Variants in CSMD1 observed in about 807,000 individuals in gnomAD.
The protein encoded by CSMD1 is CUB and Sushi multiple domains 1.
Under a neutral mutation model 417.5 loss-of-function variants are expected in CSMD1, and 213 were observed. That is an observed-to-expected ratio of 0.51 (90% CI 0.46 to 0.57). The LOEUF (loss-of-function observed/expected upper bound fraction) is 0.57. Among genes scored for constraint, CSMD1 ranks in the 20% least tolerant of loss-of-function variants. CSMD1 has a pLI of 0.00. For missense variants in CSMD1, 6,923 were observed against 4,529.7 expected, an observed-to-expected ratio of 1.53 and a Z score of -15.17; for synonymous variants, 2,862 against 1,736.8, an observed-to-expected ratio of 1.65 and a Z score of -16.11.
rs56272726 is a variant in CSMD1 at position 3,709,680 on chromosome 8, G to GTTTTTTTTTTTTTTTTTTTTTTT, written c.932-1212_932-1190dup. ...GATGGGCTTTAAATTGCAGCAGCAT[G>GTTTTTTTTTTTTTTTTTTTTTTT]TTTTTTTTTTTTTTTTTTTTTTTTT... On this transcript the variant is annotated intron_variant, in intron 6 of 69. Transcript: ENST00000635120. 3.0e-3 allele frequency among the ~76,000 whole-genome samples: 102 copies of GTTTTTTTTTTTTTTTTTTTTTTT among 33,678 alleles called. 27 individuals carry two copies. The highest frequency in any genetic ancestry group is 4.9e-3 in the Non-Finnish European group (86 of 17,530). The allele number at this position is 33,678 out of a possible 152,430, so 22.1% of individuals were successfully genotyped here.
chr8:3,682,384 C>T (rs1209162668), intron 7 of CSMD1, among the ~76,000 whole-genome samples: 2 of 152,130 alleles, frequency 1.3e-5, no homozygotes, highest in South Asian at 4.1e-4. Context: ...GGGTGAAGGA[C>T]ATGAACAGAC....
At chr8:3,963,936 G>A (rs767739216) in intron 5 of CSMD1, among the ~76,000 whole-genome samples, 12 of 152,104 alleles carry the variant, frequency 7.9e-5, no homozygotes, top group Admixed American at 5.9e-4. Flanking sequence ...CCTTTCAGAA[G>A]AAAAAGAAGA....
chr8:4,406,364 T>C (rs1379224226), intron 3 of CSMD1, among the ~76,000 whole-genome samples: 1 of 151,978 alleles, frequency 6.6e-6, no homozygotes, highest in African/African-American at 2.4e-5. Flanking sequence ...GAAAGAGAGA[T>C]GACAATTAGA....
chr8:3,720,523 T>A (rs909315784), intron 6 of CSMD1, among the ~76,000 whole-genome samples: 8 of 152,066 alleles, frequency 5.3e-5, no homozygotes, highest in African/African-American at 1.9e-4. Context: ...CCATAGACCT[T>A]TTGTTGTCTC....
chr8:4,869,697 C>A (rs1056880398), intron 1 of CSMD1, among the ~76,000 whole-genome samples: 9 of 151,934 alleles, frequency 5.9e-5, no homozygotes, highest in Non-Finnish European at 1.2e-4. Context: ...GATTATTAAT[C>A]TTGAAAATAC....
chr8:4,822,203 G>C (rs1213909465), intron 1 of CSMD1, among the ~76,000 whole-genome samples: 1 of 152,084 alleles, frequency 6.6e-6, no homozygotes, highest in African/African-American at 2.4e-5. Flanking sequence ...ATAAAATTGT[G>C]TGTGATTCGT....
At chr8:3,578,031 C>A (rs1323432632) in intron 9 of CSMD1, among the ~76,000 whole-genome samples, 2 of 152,106 alleles carry the variant, frequency 1.3e-5, no homozygotes, top group African/African-American at 4.8e-5. Flanking sequence ...TGCAGCTCAC[C>A]TTATTACCTG....
At chr8:3,688,022 C>T (rs1252559776) in intron 7 of CSMD1, among the ~76,000 whole-genome samples, 3 of 152,200 alleles carry the variant, frequency 2.0e-5, no homozygotes, top group Admixed American at 2.0e-4. Context: ...AAATTTTCAG[C>T]GTGACCGAAA....
chr8:3,835,207 C>T (rs1011164370), intron 5 of CSMD1, among the ~76,000 whole-genome samples: 22 of 150,514 alleles, frequency 1.5e-4, no homozygotes, highest in Admixed American at 4.0e-4. Flanking sequence ...ACCCAGCCAT[C>T]CCATTACTGG....
intron 2 of CSMD1, among the ~76,000 whole-genome samples, chr8:4,567,379 A>G (rs552772276): frequency 6.6e-6 from 1 of 152,222 alleles, no homozygotes; most frequent in South Asian, 2.1e-4. Flanking sequence ...CTGTTGCACC[A>G]GGAATTAGAC....
At chr8:3,668,102 G>A (rs181969455) in intron 7 of CSMD1, among the ~76,000 whole-genome samples, 3 of 152,226 alleles carry the variant, frequency 2.0e-5, no homozygotes, top group East Asian at 3.9e-4. Context: ...TGGGCTAGAA[G>A]GCAATGGGGA....
intron 1 of CSMD1, among the ~76,000 whole-genome samples, chr8:4,828,889 T>C (rs574154773): frequency 6.6e-5 from 10 of 152,072 alleles, no homozygotes; most frequent in African/African-American, 2.4e-4. Context: ...GCGTTCCACA[T>C]CCTCGTCCCA....
At chr8:4,164,371 T>C (rs908937008) in intron 3 of CSMD1, among the ~76,000 whole-genome samples, 6 of 152,160 alleles carry the variant, frequency 3.9e-5, no homozygotes, top group African/African-American at 7.2e-5. Context: ...ACTGTACTTG[T>C]TGGACAGAGA....
intron 3 of CSMD1, among the ~76,000 whole-genome samples, chr8:4,201,528 ACT>A (rs557926642): frequency 2.4e-5 from 3 of 123,072 alleles, no homozygotes; most frequent in African/African-American, 9.7e-5. Flanking sequence ...AGAGATCCAG[ACT>A]CTGTCTCCAC....
At chr8:3,969,380 C>A (rs562285484) in intron 5 of CSMD1, among the ~76,000 whole-genome samples, 71 of 152,312 alleles carry the variant, frequency 4.7e-4, no homozygotes, top group South Asian at 3.9e-3. Context: ...AGCTGAAAAA[C>A]ATTGCTCCAA....
intron 48 of CSMD1, 121 bp downstream of exon 48, chr8:3,091,395 G>C (rs1310424315): frequency 7.5e-6 from 5 of 662,428 alleles, no homozygotes; most frequent in Non-Finnish European, 1.1e-5. Context: ...TTCTACTGTA[G>C]TTAATTATTA....
At chr8:3,786,256 G>T (rs140562520) in intron 5 of CSMD1, among the ~76,000 whole-genome samples, 41 of 152,190 alleles carry the variant, frequency 2.7e-4, no homozygotes, top group African/African-American at 9.6e-4. Flanking sequence ...AGATGTCAAG[G>T]CAAGAGTGGA....
At chr8:3,486,700 A>C (rs1465941130) in intron 11 of CSMD1, among the ~76,000 whole-genome samples, 1 of 152,210 alleles carries the variant, frequency 6.6e-6, no homozygotes, top group Non-Finnish European at 1.5e-5. Context: ...TGTGGGACCT[A>C]TGGCTTCTTC....
intron 1 of CSMD1, among the ~76,000 whole-genome samples, chr8:4,914,437 G>A (rs1182004816): frequency 6.6e-6 from 1 of 151,940 alleles, no homozygotes; most frequent in African/African-American, 2.4e-5. Context: ...AATTAACCGG[G>A]TGAGGTGGCG....
Sources: allele counts gnomAD v4.1 joint callset (sites outside exome capture counted in the v4.1 genomes callset), GRCh38; gene constraint gnomAD v4.1.1; transcripts MANE v1.5; gene names NCBI Gene and HGNC (gene_info 2026-07-23, HGNC 2026-07-21).